Variants in FAM120A observed in about 807,000 individuals in gnomAD.
The protein encoded by FAM120A is constitutive coactivator of PPAR-gamma-like protein 1.
FAM120A carries 15 observed loss-of-function variants against 109.7 expected under a neutral mutation model. The observed-to-expected ratio is 0.14, with a 90% CI of 0.09 to 0.21. FAM120A has a LOEUF of 0.21. FAM120A is among the 10% of genes least tolerant of loss of function. The pLI is 1.00. For missense variants in FAM120A, 899 were observed against 1,439.3 expected, an observed-to-expected ratio of 0.62 and a Z score of 6.07; for synonymous variants, 493 against 572.8, an observed-to-expected ratio of 0.86 and a Z score of 1.99.
intron 1 of FAM120A, among the ~76,000 whole-genome samples, chr9:93,457,055 T>C (rs1224810688): frequency 3.9e-5 from 6 of 152,232 alleles, no homozygotes. Context: ...TGTTGTAGAT[T>C]GTGTCAGAAT....
Position 93,451,804 on chromosome 9 carries a change from C to A in FAM120A, c.-112C>A. On this transcript the variant is annotated 5_prime_UTR_variant, in exon 1 of 18. Coordinates refer to ENST00000277165, the MANE Select transcript of FAM120A (RefSeq NM_014612.5). Reference sequence around the variant, plus strand: ...GAGCGCGCCCCCGACCCGCCCCAGTCCCCCCTAGAGGCCGCCGCCCCCGCC... The same window carrying A: ...GAGCGCGCCCCCGACCCGCCCCAGTACCCCCTAGAGGCCGCCGCCCCCGCC... The A allele has an allele frequency of 1.1e-5, 10 of 933,336 alleles. No individual in the cohort carries two copies. Among genetic ancestry groups the A allele is most frequent in the East Asian group, 1.3e-4 (1 of 7,992 alleles). 57.8% of individuals were successfully genotyped at this position (933,336 alleles called of 1,614,324 possible).
At chr9:93,454,429 T>C (rs1857455471) in intron 1 of FAM120A, among the ~76,000 whole-genome samples, 1 of 151,038 alleles carries the variant, frequency 6.6e-6, no homozygotes, top group Non-Finnish European at 1.5e-5. Context: ...TTGGCGGGTG[T>C]AGGGGGGTGC....
At chr9:93,497,042 T>C (rs1212319965) in intron 3 of FAM120A, among the ~76,000 whole-genome samples, 2 of 151,500 alleles carry the variant, frequency 1.3e-5, no homozygotes, top group Non-Finnish European at 2.9e-5. Flanking sequence ...CTAAAGATTC[T>C]ACTTGTGCAG....
At chr9:93,519,020 C>T (rs1288604796) in intron 7 of FAM120A, among the ~76,000 whole-genome samples, 7 of 151,896 alleles carry the variant, frequency 4.6e-5, no homozygotes, top group African/African-American at 1.5e-4. Flanking sequence ...CCAGGGATGC[C>T]AAAAGGTTAG....
chr9:93,474,882 C>T (rs189409967), intron 2 of FAM120A, among the ~76,000 whole-genome samples: 38 of 152,300 alleles, frequency 2.5e-4, no homozygotes, highest in South Asian at 1.5e-3. Flanking sequence ...TGTGAGCCAC[C>T]GTGCCCGGCC....
intron 1 of FAM120A, among the ~76,000 whole-genome samples, chr9:93,460,162 A>G (rs917689329): frequency 3.3e-5 from 5 of 152,250 alleles, no homozygotes; most frequent in African/African-American, 9.6e-5. Flanking sequence ...CACCATAGGA[A>G]TAAATGTCAA....
intron 5 of FAM120A, among the ~76,000 whole-genome samples, chr9:93,510,091 T>C (rs1382016239): frequency 6.6e-6 from 1 of 152,216 alleles, no homozygotes; most frequent in African/African-American, 2.4e-5. Flanking sequence ...AGAGCATTAC[T>C]CCCATTGAGT....
chr9:93,558,253 G>T (rs1407169157), intron 14 of FAM120A, among the ~76,000 whole-genome samples: 1 of 152,240 alleles, frequency 6.6e-6, no homozygotes, highest in South Asian at 2.1e-4. Context: ...TGAAAACTCT[G>T]CTCACATTTT....
chr9:93,452,394 G>C lies in FAM120A; in HGVS notation c.474+5G>C, dbSNP rs1259916593. On this transcript the variant is annotated splice_donor_5th_base_variant and intron_variant, in intron 1 of 17. Transcript: ENST00000277165. This position sits in a 1 kb window ranked among gnomAD's most constrained non-coding sequence, Gnocchi z 7.0. ...CTCATCCGCTTCCACGTCAAGGTGA[G>C]GCCGGGGATCCGGGCGGGCCGGGGA... 1.2e-6 allele frequency: 2 copies of C among 1,603,860 alleles called. No homozygotes were observed. Among genetic ancestry groups the C allele is most frequent in the African/African-American group, 2.7e-5 (2 of 74,884 alleles).
At chr9:93,561,323 G>A (rs370906681) in intron 16 of FAM120A, 73 bp downstream of exon 16, 2 of 1,403,058 alleles carry the variant, frequency 1.4e-6, no homozygotes. Flanking sequence ...TTTTTTGGAA[G>A]TTTAAGTAGG....
chr9:93,499,390 T>C (rs1859706925), intron 5 of FAM120A, among the ~76,000 whole-genome samples: 1 of 151,866 alleles, frequency 6.6e-6, no homozygotes, highest in South Asian at 2.1e-4. Flanking sequence ...CAGGCTCAAG[T>C]GATTTTTGTG....
At position 93,498,984 on chromosome 9, in the gene FAM120A, C is replaced by A; in HGVS notation, c.1030+98C>A. On this transcript the variant is annotated intron_variant, in intron 5 of 17. Coordinates refer to ENST00000277165, the MANE Select transcript of FAM120A (RefSeq NM_014612.5). The surrounding 1 kb of genome is among the most constrained non-coding windows in gnomAD (Gnocchi z 4.4). Reference sequence around the variant, plus strand: ...ATCTTGTAGGTTTATGTTTTTGAAACATGATTTTCTGTAGTTATGCCAGTA... The same window carrying A: ...ATCTTGTAGGTTTATGTTTTTGAAAAATGATTTTCTGTAGTTATGCCAGTA... 1 of 871,994 alleles carries A rather than the reference C, an allele frequency of 1.1e-6. No homozygotes were observed. Among genetic ancestry groups the A allele is most frequent in the Non-Finnish European group, 1.9e-6 (1 of 529,890 alleles). 54.0% of individuals were successfully genotyped at this position (871,994 alleles called of 1,614,324 possible). A position where few individuals can be genotyped will look rare whatever the true frequency, so the allele number is the denominator to read the frequency against.
chr9:93,464,229 A>T (rs10761227), intron 1 of FAM120A, among the ~76,000 whole-genome samples: 40,961 of 152,114 alleles, frequency 0.27, 6,589 homozygotes, highest in East Asian at 0.44. Context: ...GGGAGTTTTT[A>T]AGTCATTATT....
chr9:93,539,837 C>T (rs1372131436), intron 10 of FAM120A, among the ~76,000 whole-genome samples: 1 of 152,262 alleles, frequency 6.6e-6, no homozygotes, highest in Non-Finnish European at 1.5e-5. Context: ...AGGCTACCCT[C>T]CAGCTGCCCC....
intron 16 of FAM120A, among the ~76,000 whole-genome samples, chr9:93,561,974 C>T (rs909710394): frequency 3.9e-5 from 6 of 152,090 alleles, no homozygotes; most frequent in Admixed American, 1.3e-4. Context: ...CATACTTAAC[C>T]TGTTTACGCC....
chr9:93,525,960 C>T (rs564491225), intron 7 of FAM120A, among the ~76,000 whole-genome samples: 27 of 152,296 alleles, frequency 1.8e-4, no homozygotes, highest in African/African-American at 6.5e-4. Context: ...CTTTTTTTCC[C>T]CCTTTTTTTA....
chr9:93,458,698 A>G (rs1410589920), intron 1 of FAM120A, among the ~76,000 whole-genome samples: 2 of 152,214 alleles, frequency 1.3e-5, no homozygotes, highest in Non-Finnish European at 2.9e-5. Context: ...GGCATATACT[A>G]TAGGTAAATT....
chr9:93,534,217 T>C (rs1049023631), intron 10 of FAM120A, among the ~76,000 whole-genome samples: 1 of 152,010 alleles, frequency 6.6e-6, no homozygotes, highest in Non-Finnish European at 1.5e-5. Flanking sequence ...TAGAGAAGGC[T>C]CTCAGAAGGG....
intron 7 of FAM120A, among the ~76,000 whole-genome samples, chr9:93,517,740 C>T (rs980036007): frequency 3.9e-5 from 6 of 152,112 alleles, no homozygotes; most frequent in Admixed American, 2.0e-4. Flanking sequence ...GACTTGGGGA[C>T]GTGGGTGGTG....
Sources: allele counts gnomAD v4.1 joint callset (sites outside exome capture counted in the v4.1 genomes callset), GRCh38; gene constraint gnomAD v4.1.1; non-coding constraint Gnocchi (gnomAD v3.1); transcripts MANE v1.5; gene names NCBI Gene and HGNC (gene_info 2026-07-23, HGNC 2026-07-21).